FRY: variants seen among roughly 807,000 people sequenced by gnomAD.
The protein encoded by FRY is FRY microtubule binding protein.
FRY carries 128 observed loss-of-function variants against 348.4 expected under a neutral mutation model. The observed-to-expected ratio is 0.37, with a 90% CI of 0.32 to 0.43. The LOEUF (loss-of-function observed/expected upper bound fraction) is 0.43. Among genes scored for constraint, FRY ranks in the 20% least tolerant of loss-of-function variants. The probability of loss-of-function intolerance (pLI) is 1.00; values close to 1 mark genes in which losing one functional copy is unlikely to be tolerated. For synonymous variants in FRY, 1,370 were observed against 1,374.7 expected, an observed-to-expected ratio of 1.00 and a Z score of 0.08; for missense variants, 2,736 against 3,695.2, an observed-to-expected ratio of 0.74 and a Z score of 6.73.
intron 58 of FRY, among the ~76,000 whole-genome samples, chr13:32,284,911 T>G (rs17077384): frequency 3.1e-4 from 47 of 152,240 alleles, no homozygotes; most frequent in African/African-American, 1.0e-3. Context: ...AACCCAGATA[T>G]GGCTATGCTA....
chr13:32,083,916 A>G (rs932657162), intron 2 of FRY, among the ~76,000 whole-genome samples: 5 of 152,144 alleles, frequency 3.3e-5, no homozygotes, highest in Admixed American at 6.5e-5. Context: ...ACAATAAAGA[A>G]AGCCTCTAGG....
At chr13:32,115,471 A>T (rs927472185) in intron 3 of FRY, among the ~76,000 whole-genome samples, 12 of 152,162 alleles carry the variant, frequency 7.9e-5, no homozygotes, top group African/African-American at 2.7e-4. Context: ...CACAATTTGT[A>T]TGGGCTTATG....
rs544957501 is a variant in FRY, at chr13:32,106,327, TG to T, written c.324+4312del. Among the ~76,000 whole-genome samples the T allele has an allele frequency of 8.6e-5, 13 of 152,016 alleles. No individual in the cohort carries two copies. The East Asian group carries it at 2.5e-3, about 29-fold the overall frequency. On this transcript the variant is annotated intron_variant, in intron 3 of 60. Coordinates refer to ENST00000542859, the MANE Select transcript of FRY (RefSeq NM_023037.3). ...AGCCAAGACTGTAATTTATTGTTTC[TG>T]ACAATACAGCCTGTGCTTTTTACTC... is the stretch of plus-strand genomic sequence containing the variant.
intron 46 of FRY, among the ~76,000 whole-genome samples, chr13:32,243,398 A>G (rs1266785833): frequency 6.6e-6 from 1 of 152,236 alleles, no homozygotes; most frequent in Non-Finnish European, 1.5e-5. Flanking sequence ...GAAATCTTAT[A>G]CATAAATCTT....
At chr13:32,294,308 TGGGA>T in intron 59 of FRY, 56 bp from the exon 60 acceptor site, 6 of 1,183,760 alleles carry the variant, frequency 5.1e-6, no homozygotes, top group Admixed American at 3.6e-5. Flanking sequence ...TTTTTCCTTT[TGGGA>T]TGTAAAATTC....
intron 14 of FRY, among the ~76,000 whole-genome samples, chr13:32,150,885 G>A (rs204563): frequency 0.81 from 123,634 of 152,144 alleles, 51,073 homozygotes; most frequent in East Asian, 1. Flanking sequence ...AGGTTGCCAC[G>A]TATCTGGGAA....
intron 55 of FRY, among the ~76,000 whole-genome samples, chr13:32,271,527 G>C (rs768589329): frequency 6.6e-6 from 1 of 152,198 alleles, no homozygotes; most frequent in Non-Finnish European, 1.5e-5. Flanking sequence ...TGACAGTCCA[G>C]AAGTGACTGA....
rs533339021 is a variant in FRY, at chr13:32,186,151, T to A, written c.3320-109T>A. On this transcript the variant is annotated intron_variant, in intron 26 of 60. Coordinates refer to ENST00000542859, the MANE Select transcript of FRY (RefSeq NM_023037.3). ...GCATGTTTCATTGCCTAAAGAAAAC[T>A]GTAGTTAAAAAATGAAGTGGTTCCT... is the stretch of plus-strand genomic sequence containing the variant. The A allele has an allele frequency of 1.9e-4, 161 of 866,100 alleles. 1 individual carries two copies. The South Asian group carries it at 2.1e-3, about 11-fold the overall frequency. 53.7% of individuals were successfully genotyped at this position (866,100 alleles called of 1,614,324 possible).
rs74044955 is a variant in FRY at position 32,248,063 on chromosome 13, T to C, written c.7008+561T>C. Among the ~76,000 whole-genome samples the C allele has an allele frequency of 5.3e-3, 811 of 152,330 alleles. 11 individuals carry two copies. Among genetic ancestry groups the C allele is most frequent in the African/African-American group, 0.019 (778 of 41,564 alleles). On this transcript the variant is annotated intron_variant, in intron 48 of 60. Coordinates refer to ENST00000542859, the MANE Select transcript of FRY (RefSeq NM_023037.3). ...ACAGGAAGTAGTCATGTTTACCTGA[T>C]AGTCCATGAACAAATATTTGGGAGG...
rs573411499 is a variant in FRY, at chr13:32,261,715, G to C, written c.7516G>C (p.Gly2506Arg). Reference protein sequence around the residue: ...MQILEERQLSGSTPSLNKMHH... With the variant: ...MQILEERQLSRSTPSLNKMHH... ...GATTCTGGAGGAGCGCCAACTGTCA[G>C]GAAGCACTCCTAGCCTGAATAAAAT... is the stretch of plus-strand genomic sequence containing the variant. The change falls in exon 52 of 61, where the codon GGA becomes CGA. Residue 2506 changes from glycine to arginine, a missense_variant. Transcript: ENST00000542859. The C allele has an allele frequency of 3.7e-6, 6 of 1,614,144 alleles. No individual in the cohort carries two copies. The African/African-American group carries it at 6.7e-5, about 18-fold the overall frequency.
At chr13:32,125,927 A>G (rs1019352519) in intron 7 of FRY, among the ~76,000 whole-genome samples, 8 of 152,216 alleles carry the variant, frequency 5.3e-5, no homozygotes, top group Admixed American at 2.6e-4. Flanking sequence ...GGCAACAGAA[A>G]GGAAAGAAAC....
intron 40 of FRY, among the ~76,000 whole-genome samples, chr13:32,230,441 T>C (rs1243905902): frequency 6.6e-6 from 1 of 152,194 alleles, no homozygotes; most frequent in Non-Finnish European, 1.5e-5. Flanking sequence ...GGTGTATATA[T>C]AGTTTGCTAA....
chr13:32,131,992 T>C, intron 8 of FRY, 152 bp downstream of exon 8: 1 of 716,180 alleles, frequency 1.4e-6, no homozygotes. Context: ...TGTAACCAAA[T>C]AGTACAGTTG....
At chr13:32,163,380 A>G (rs1371655066) in intron 17 of FRY, among the ~76,000 whole-genome samples, 2 of 152,184 alleles carry the variant, frequency 1.3e-5, no homozygotes, top group African/African-American at 2.4e-5. Context: ...TACCTGCATG[A>G]TCCGGACAAA....
At chr13:32,046,853 T>C (rs1344036956) in intron 1 of FRY, among the ~76,000 whole-genome samples, 1 of 152,244 alleles carries the variant, frequency 6.6e-6, no homozygotes, top group African/African-American at 2.4e-5. Flanking sequence ...ATACAAAATA[T>C]AGAAAGAAAT....
intron 36 of FRY, among the ~76,000 whole-genome samples, chr13:32,219,675 C>T (rs1171739874): frequency 6.6e-6 from 1 of 151,988 alleles, no homozygotes; most frequent in East Asian, 2.0e-4. Context: ...AGGAGAATGG[C>T]GTGAACCCAG....
intron 58 of FRY, among the ~76,000 whole-genome samples, chr13:32,284,492 G>T (rs577985757): frequency 6.6e-6 from 1 of 152,302 alleles, no homozygotes; most frequent in South Asian, 2.1e-4. Context: ...CTAAAGAAAT[G>T]TCTGTTGAAG....
chr13:32,043,647 G>A (rs1872865592), intron 1 of FRY, among the ~76,000 whole-genome samples: 1 of 152,156 alleles, frequency 6.6e-6, no homozygotes, highest in Non-Finnish European at 1.5e-5. Flanking sequence ...CCTCTAGTGG[G>A]AGTAGAGTTA....
intron 1 of FRY, among the ~76,000 whole-genome samples, chr13:32,033,511 T>C (rs190722210): frequency 2.0e-3 from 310 of 152,336 alleles, no homozygotes; most frequent in African/African-American, 6.9e-3. Context: ...TTCAAATCAC[T>C]CTAGATAAAG....
Sources: gnomAD v4.1 joint callset for allele counts (sites outside exome capture counted in the v4.1 genomes callset) on GRCh38, gnomAD v4.1.1 for gene constraint, MANE v1.5 for transcripts, NCBI Gene and HGNC (gene_info 2026-07-23, HGNC 2026-07-21) for gene names.